The following VPS13A variants were observed in gnomAD, a reference collection of about 807,000 sequenced individuals.
VPS13A encodes the protein vacuolar protein sorting 13 homolog A.
In VPS13A, 264 loss-of-function variants were observed where a neutral mutation model predicts 390.9. The observed-to-expected ratio is 0.68, with a 90% confidence interval of 0.61 to 0.75. The LOEUF (loss-of-function observed/expected upper bound fraction) is 0.75. VPS13A is among the 30% of genes least tolerant of loss of function. VPS13A has a pLI of 0.00. For synonymous variants in VPS13A, 1,231 were observed against 1,227.1 expected (o/e 1.00, Z -0.07); for missense variants, 3,409 against 3,733.9 (o/e 0.91, Z 2.27).
chr9:77,382,416 A>G, intron 68 of VPS13A: 1 of 1,430,630 alleles, frequency 7.0e-7, no homozygotes, highest in Non-Finnish European at 9.1e-7. Flanking sequence ...TTGTATTGGT[A>G]ACTTTTAATA....
At chr9:77,327,226 A>G (rs1674678211) in intron 45 of VPS13A, among the ~76,000 whole-genome samples, 1 of 152,150 alleles carries the variant, frequency 6.6e-6, no homozygotes, top group Non-Finnish European at 1.5e-5. Flanking sequence ...GTGGGAAGCT[A>G]TATCTGGTCC....
intron 5 of VPS13A, among the ~76,000 whole-genome samples, chr9:77,207,242 T>TGC (rs1825713840): frequency 9.0e-6 from 1 of 110,804 alleles, no homozygotes; most frequent in Non-Finnish European, 1.9e-5. Context: ...TATATATATA[T>TGC]ATATATATAT....
intron 45 of VPS13A, among the ~76,000 whole-genome samples, chr9:77,331,109 A>G (rs1249002983): frequency 6.7e-6 from 1 of 150,200 alleles, no homozygotes; most frequent in Non-Finnish European, 1.5e-5. Flanking sequence ...TTATTTTTCT[A>G]TTATTGAGAT....
chr9:77,280,067 T>G, intron 26 of VPS13A, 92 bp from the exon 27 acceptor site: 1 of 973,060 alleles, frequency 1.0e-6, no homozygotes, highest in Non-Finnish European at 1.5e-6. Flanking sequence ...TAGGAAAGCC[T>G]TCTTTTGCAA....
intron 23 of VPS13A, among the ~76,000 whole-genome samples, chr9:77,268,451 G>A (rs142995812): frequency 9.9e-5 from 15 of 152,262 alleles, no homozygotes; most frequent in African/African-American, 3.4e-4. Flanking sequence ...GCCCCACTCT[G>A]CTTCAGCTCG....
chr9:77,404,298 C>G (rs1424157106), intron 69 of VPS13A, among the ~76,000 whole-genome samples: 2 of 151,976 alleles, frequency 1.3e-5, no homozygotes, highest in Non-Finnish European at 2.9e-5. Flanking sequence ...ATGAAATTCT[C>G]TTATATATAC....
chr9:77,282,098 C>G, intron 28 of VPS13A, 23 bp from the exon 29 acceptor site: 1 of 1,611,752 alleles, frequency 6.2e-7, no homozygotes, highest in Non-Finnish European at 8.5e-7. Context: ...TGACCTATCA[C>G]TAAAATCAGC....
At position 77,295,841 on chromosome 9, in the gene VPS13A, A is replaced by T. The variant is rs1827962073; in HGVS notation, c.3807A>T (p.Leu1269=). The T allele has an allele frequency of 3.1e-6, 5 of 1,613,550 alleles. No homozygotes were observed. The highest frequency in any genetic ancestry group is 4.2e-6 in the Non-Finnish European group (5 of 1,179,860). ...LITIKLSEMR[L]YRSRFINDAY... The stretch of plus-strand genomic sequence containing the variant: ...CAATAAAGCTGAGTGAAATGCGACT[A>T]TACAGGTAAGCTTTTCACAAGTATA... The change falls in exon 33 of 72, where the codon CTA becomes CTT. Residue 1269 remains leucine (L), a synonymous_variant. Transcript: ENST00000360280.
intron 1 of VPS13A, among the ~76,000 whole-genome samples, chr9:77,187,140 A>G (rs1213495266): frequency 2.0e-5 from 3 of 152,204 alleles, no homozygotes; most frequent in Admixed American, 6.5e-5. Flanking sequence ...GTTGATGAAT[A>G]GTTGGGCAGC....
At chr9:77,186,306 TTTTTC>T (rs1824330269) in intron 1 of VPS13A, among the ~76,000 whole-genome samples, 1 of 152,210 alleles carries the variant, frequency 6.6e-6, no homozygotes, top group African/African-American at 2.4e-5. Flanking sequence ...ATTTTAGACA[TTTTTC>T]TATTAATTTA....
chr9:77,344,507 C>G (rs1185134745), intron 51 of VPS13A, among the ~76,000 whole-genome samples: 5 of 152,018 alleles, frequency 3.3e-5, no homozygotes, highest in Non-Finnish European at 5.9e-5. Flanking sequence ...CCTGTAACAC[C>G]AGCACTTTGG....
chr9:77,244,251 T>C (rs955495562), intron 19 of VPS13A, among the ~76,000 whole-genome samples: 25 of 152,036 alleles, frequency 1.6e-4, no homozygotes, highest in African/African-American at 5.8e-4. Context: ...AAAATACATA[T>C]ATTTAAGAAG....
At chr9:77,233,822 A>G (rs1304596880) in intron 17 of VPS13A, among the ~76,000 whole-genome samples, 1 of 152,078 alleles carries the variant, frequency 6.6e-6, no homozygotes, top group Non-Finnish European at 1.5e-5. Flanking sequence ...TATCCTGGAG[A>G]ATGTTCCATG....
At chr9:77,362,149 AAAAGTT>A (rs540963842) in intron 59 of VPS13A, among the ~76,000 whole-genome samples, 159 of 152,226 alleles carry the variant, frequency 1.0e-3, no homozygotes, top group Non-Finnish European at 2.0e-3. Context: ...ATTGAAAATC[AAAAGTT>A]AAAGTTAATG....
rs1185023781 is a variant in VPS13A at position 77,414,429 on chromosome 9, G to A, written c.9475-1527G>A. The stretch of plus-strand genomic sequence containing the variant: ...CAGCCATAAAAAATAATGAGTTCAT[G>A]TCCTTTGTAGGGACATGGATGAAGC... On this transcript the variant is annotated intron_variant, in intron 71 of 71. Transcript: ENST00000360280. 6.6e-5 allele frequency among the ~76,000 whole-genome samples: 10 copies of A among 152,256 alleles called. No individual in the cohort carries two copies. In the East Asian group the frequency reaches 1.9e-3, roughly 29 times the overall value.
At chr9:77,178,439 A>G (rs1823790335) in intron 1 of VPS13A, among the ~76,000 whole-genome samples, 1 of 152,210 alleles carries the variant, frequency 6.6e-6, no homozygotes, top group African/African-American at 2.4e-5. Context: ...CTCAAGTGCA[A>G]AGTAACTCAA....
intron 71 of VPS13A, among the ~76,000 whole-genome samples, chr9:77,414,589 T>C (rs1011549463): frequency 4.7e-5 from 7 of 147,718 alleles, no homozygotes; most frequent in African/African-American, 1.8e-4. Flanking sequence ...GGGCCTGTTA[T>C]GGGATGGGGG....
intron 34 of VPS13A, 46 bp from the exon 35 acceptor site, chr9:77,307,898 CA>C: frequency 6.8e-7 from 1 of 1,468,286 alleles, no homozygotes; most frequent in East Asian, 2.4e-5. Context: ...TTAAATTCTG[CA>C]ATGAAGTAGC....
At position 77,340,460 on chromosome 9, in the gene VPS13A, C is replaced by A. The variant is rs1413208235; in HGVS notation, c.6936C>A (p.Thr2312=). 6.2e-7 allele frequency: 1 copy of A among 1,613,132 alleles called. No individual in the cohort carries two copies. The highest frequency in any genetic ancestry group is 2.2e-5 in the East Asian group (1 of 44,744). The change falls in exon 50 of 72, where the codon ACC becomes ACA. Residue 2312 remains threonine, a synonymous_variant. Coordinates refer to ENST00000360280, the MANE Select transcript of VPS13A (RefSeq NM_033305.3). ...SFNITRIVTF[T]PFYMIKNKSK... ...ACATTACTAGAATTGTGACATTTAC[C>A]CCTTTTTATATGATTAAAAACAAAA... is the stretch of plus-strand genomic sequence containing the variant.
Sources: gnomAD v4.1 joint callset for allele counts (sites outside exome capture counted in the v4.1 genomes callset) on GRCh38, gnomAD v4.1.1 for gene constraint, MANE v1.5 for transcripts, NCBI Gene and HGNC (gene_info 2026-07-23, HGNC 2026-07-21) for gene names.